Variants in NEK11 observed in about 807,000 individuals in gnomAD.
NEK11 encodes serine/threonine-protein kinase Nek11.
In NEK11, 72 loss-of-function variants were observed where a neutral mutation model predicts 80.7. The ratio of observed to expected loss-of-function variants is 0.89; its 90% CI spans 0.74 to 1.08. The LOEUF (loss-of-function observed/expected upper bound fraction) is 1.08, where lower values mean the gene tolerates loss of function less well. Ranked by LOEUF, NEK11 falls within the 50% of genes least tolerant of loss-of-function variation. The pLI is 0.00. For missense variants in NEK11, 764 were observed against 763.6 expected (o/e 1.00, Z -0.01); for synonymous variants, 251 against 260.7 (o/e 0.96, Z 0.36).
rs1387811625 is a variant in NEK11 at position 131,052,313 on chromosome 3, ATCTTT to A, written c.170+22440_170+22444del. Among the ~76,000 whole-genome samples the A allele has an allele frequency of 2.0e-5, 3 of 152,002 alleles. No homozygotes were observed. In the East Asian group the frequency reaches 5.8e-4, roughly 29 times the overall value. ...TTCATGCGCATTTGAGTTATATTAA[ATCTTT>A]TCTTATTAAAAATATCACTGCAGTG... is the stretch of plus-strand genomic sequence containing the variant. On this transcript the variant is annotated intron_variant, in intron 3 of 17. Transcript: ENST00000383366.
At chr3:131,074,279 T>C (rs1471448674) in intron 3 of NEK11, among the ~76,000 whole-genome samples, 1 of 152,088 alleles carries the variant, frequency 6.6e-6, no homozygotes, top group Non-Finnish European at 1.5e-5. Context: ...GATCTTGCTA[T>C]GTAAAGCTTA....
At chr3:131,083,359 G>A (rs1427424586) in intron 4 of NEK11, among the ~76,000 whole-genome samples, 1 of 152,226 alleles carries the variant, frequency 6.6e-6, no homozygotes, top group Non-Finnish European at 1.5e-5. Flanking sequence ...TTGCCATGGT[G>A]ATGGCTGCTG....
At chr3:131,327,949 G>A (rs2096999328) in intron 17 of NEK11, among the ~76,000 whole-genome samples, 1 of 151,502 alleles carries the variant, frequency 6.6e-6, no homozygotes, top group Non-Finnish European at 1.5e-5. Flanking sequence ...GAGGCTTGTG[G>A]CTACATCTGC....
chr3:131,119,870 G>A (rs1364043037), intron 5 of NEK11, among the ~76,000 whole-genome samples: 1 of 152,104 alleles, frequency 6.6e-6, no homozygotes, highest in Non-Finnish European at 1.5e-5. Flanking sequence ...GCCTATGTGT[G>A]TCTCTACACA....
chr3:131,131,426 A>G (rs1256789409), intron 5 of NEK11, among the ~76,000 whole-genome samples: 4 of 152,004 alleles, frequency 2.6e-5, no homozygotes, highest in Non-Finnish European at 4.4e-5. Flanking sequence ...TTGATTGTCT[A>G]CTTCTTGTAT....
rs1578854326 is a variant in NEK11, at chr3:131,134,131, C to G, written c.647+175C>G. 15 of 514,282 alleles carry G rather than the reference C, an allele frequency of 2.9e-5. No individual in the cohort carries two copies. The East Asian group carries it at 4.9e-4, about 17-fold the overall frequency. 31.9% of individuals were successfully genotyped at this position (514,282 alleles called of 1,614,324 possible). On this transcript the variant is annotated intron_variant, in intron 7 of 17. Coordinates refer to ENST00000383366, the MANE Select transcript of NEK11 (RefSeq NM_024800.5). Reference sequence around the variant, plus strand: ...TTAGAACTCAATATATTTCATTAAACTAGTTTCAAAAATTCTTTTTATTCA... The same window carrying G: ...TTAGAACTCAATATATTTCATTAAAGTAGTTTCAAAAATTCTTTTTATTCA...
intron 16 of NEK11, among the ~76,000 whole-genome samples, chr3:131,259,969 T>C (rs1369397034): frequency 6.6e-6 from 1 of 152,164 alleles, no homozygotes; most frequent in Non-Finnish European, 1.5e-5. Context: ...GCCATTCTGA[T>C]GTCCACTATT....
chr3:131,051,722 G>C (rs1366030612), intron 3 of NEK11, among the ~76,000 whole-genome samples: 1 of 151,868 alleles, frequency 6.6e-6, no homozygotes, highest in Non-Finnish European at 1.5e-5. Context: ...TTTCAATGTT[G>C]TCCAGTCTGG....
At chr3:131,286,139 T>C (rs754489027) in intron 17 of NEK11, among the ~76,000 whole-genome samples, 5 of 152,242 alleles carry the variant, frequency 3.3e-5, no homozygotes, top group Non-Finnish European at 7.3e-5. Flanking sequence ...TCATTGACTA[T>C]GAAAATATTT....
chr3:131,074,383 T>A (rs559930358), intron 3 of NEK11, among the ~76,000 whole-genome samples: 184 of 152,260 alleles, frequency 1.2e-3, no homozygotes, highest in African/African-American at 4.2e-3. Context: ...CTGACAGTTT[T>A]ACAGTTTTAT....
chr3:131,065,089 G>C (rs552379192), intron 3 of NEK11, among the ~76,000 whole-genome samples: 31 of 152,260 alleles, frequency 2.0e-4, no homozygotes, highest in Admixed American at 9.2e-4. Context: ...GCTTTCTCTT[G>C]TTATTATTAA....
intron 14 of NEK11, among the ~76,000 whole-genome samples, chr3:131,224,072 T>C (rs2095114348): frequency 6.6e-6 from 1 of 152,148 alleles, no homozygotes; most frequent in South Asian, 2.1e-4. Context: ...AGTGCTATCA[T>C]AGCCATCATA....
At chr3:131,120,699 ACTTCT>A (rs1467916138) in intron 5 of NEK11, among the ~76,000 whole-genome samples, 1 of 151,742 alleles carries the variant, frequency 6.6e-6, no homozygotes, top group African/African-American at 2.4e-5. Flanking sequence ...TTTTCTCTAA[ACTTCT>A]CTTCTCGCTT....
chr3:131,144,774 C>T (rs1178384452), intron 7 of NEK11, among the ~76,000 whole-genome samples: 1 of 152,084 alleles, frequency 6.6e-6, no homozygotes, highest in Non-Finnish European at 1.5e-5. Context: ...ATAGCAGGTC[C>T]GTTTCCACAA....
Position 131,174,050 on chromosome 3 carries a change from G to T in NEK11, c.1399+3163G>T, listed in dbSNP as rs180963412. Among the ~76,000 whole-genome samples the T allele has an allele frequency of 3.9e-5, 6 of 152,178 alleles. No homozygotes were observed. In the East Asian group the frequency reaches 1.2e-3, roughly 29 times the overall value. ...GTCTGTAAATTCATACCTTCTAAAT[G>T]CTATTCTTTCTTAATATTAAATTCA... On this transcript the variant is annotated intron_variant, in intron 14 of 17. Coordinates refer to ENST00000383366, the MANE Select transcript of NEK11 (RefSeq NM_024800.5).
At chr3:131,310,556 TTTC>T (rs199954652) in intron 17 of NEK11, among the ~76,000 whole-genome samples, 1 of 148,260 alleles carries the variant, frequency 6.7e-6, no homozygotes, top group Non-Finnish European at 1.5e-5. Flanking sequence ...CATCTCAATT[TTTC>T]TTCTTTGTTT....
chr3:131,236,065 T>C lies in NEK11; in HGVS notation c.1561-7371T>C, dbSNP rs77227102. On this transcript the variant is annotated intron_variant, in intron 15 of 17. Coordinates refer to ENST00000383366, the MANE Select transcript of NEK11 (RefSeq NM_024800.5). ...CTAAAACTAGAGTTAAAAATAGAAA[T>C]CTGCAATAAACAACTGTGTATCACA... Among the ~76,000 whole-genome samples the C allele has an allele frequency of 7.8e-4, 119 of 152,284 alleles. 3 individuals carry two copies. The East Asian group carries it at 0.021, about 27-fold the overall frequency.
chr3:131,201,552 C>A lies in NEK11; in HGVS notation c.1400-26976C>A, dbSNP rs75756613. 2.1e-4 allele frequency among the ~76,000 whole-genome samples: 32 copies of A among 152,220 alleles called. No homozygotes were observed. In the East Asian group the frequency reaches 5.6e-3, roughly 27 times the overall value. On this transcript the variant is annotated intron_variant, in intron 14 of 17. Transcript: ENST00000383366. ...GAAATGTGCCTCTCCTTTTACCCAG[C>A]ATTTTCTTGTAGTAGTTTATCATCC...
At chr3:131,194,419 A>G (rs894734920) in intron 14 of NEK11, among the ~76,000 whole-genome samples, 3 of 152,140 alleles carry the variant, frequency 2.0e-5, no homozygotes, top group Non-Finnish European at 2.9e-5. Flanking sequence ...GATTTATTAC[A>G]TCCTAGAGAG....
Sources: allele counts gnomAD v4.1 joint callset (sites outside exome capture counted in the v4.1 genomes callset), GRCh38; gene constraint gnomAD v4.1.1; transcripts MANE v1.5; gene names NCBI Gene and HGNC (gene_info 2026-07-23, HGNC 2026-07-21).